The following ATF7IP variants were observed in gnomAD, a reference collection of about 807,000 sequenced individuals.
ATF7IP encodes the protein activating transcription factor 7 interacting protein.
ATF7IP carries 23 observed loss-of-function variants against 106.4 expected under a neutral mutation model. That is an observed-to-expected ratio of 0.22 (90% confidence interval 0.16 to 0.31). The LOEUF (loss-of-function observed/expected upper bound fraction) is 0.31. ATF7IP is among the 10% of genes least tolerant of loss of function. The pLI is 1.00. For synonymous variants in ATF7IP, 542 were observed against 539.0 expected (o/e 1.01, Z -0.08); for missense variants, 1,334 against 1,524.3 (o/e 0.88, Z 2.08).
At chr12:14,455,759 A>ATT (rs968190635) in intron 6 of ATF7IP, among the ~76,000 whole-genome samples, 1 of 147,114 alleles carries the variant, frequency 6.8e-6, no homozygotes, top group South Asian at 2.2e-4. Context: ...TAATTTTTGT[A>ATT]TTTTTTTTTT....
intron 1 of ATF7IP, among the ~76,000 whole-genome samples, chr12:14,407,989 TA>T (rs1457794003): frequency 2.6e-5 from 4 of 152,130 alleles, no homozygotes; most frequent in African/African-American, 9.7e-5. Flanking sequence ...AAAAAAGTGC[TA>T]GGAAAAATGT....
chr12:14,454,722 G>A (rs1268612825), intron 6 of ATF7IP, among the ~76,000 whole-genome samples: 1 of 152,146 alleles, frequency 6.6e-6, no homozygotes, highest in East Asian at 1.9e-4. Flanking sequence ...GGGAAGCAGA[G>A]GGGACTTCCT....
At chr12:14,434,482 AT>A in intron 3 of ATF7IP, 59 bp downstream of exon 3, 3 of 1,063,824 alleles carry the variant, frequency 2.8e-6, no homozygotes. Context: ...CTGTTTCTAT[AT>A]TTACAACCGT....
chr12:14,376,613 A>C (rs1278277847), intron 1 of ATF7IP, among the ~76,000 whole-genome samples: 1 of 152,208 alleles, frequency 6.6e-6, no homozygotes, highest in Non-Finnish European at 1.5e-5. Flanking sequence ...ATCTGACTTA[A>C]TGAGCTTTCA....
rs775903221 is a variant in ATF7IP, at chr12:14,478,319, C to A, written c.2944C>A (p.Pro982Thr). The A allele has an allele frequency of 1.2e-6, 2 of 1,613,202 alleles. No homozygotes were observed. The highest frequency in any genetic ancestry group is 2.2e-5 in the South Asian group (2 of 91,004). The change falls in exon 12 of 15, where the codon CCC (proline) becomes ACC (threonine). Residue 982 changes from proline (P) to threonine (T), a missense_variant and splice_region_variant. Around this residue, in one of 10 missense-constraint regions of ATF7IP, gnomAD observed 370 missense variants for 401.2 expected, o/e 0.92. Transcript: ENST00000261168. ...DDEESGASQDPKKLNHTPVST... is the reference protein window; with the variant it reads ...DDEESGASQDTKKLNHTPVST... ...AATATTTCACTTTTAACTAACAGACCCCAAAAAACTAAATCACACTCCTGT... is the reference window on the plus strand; with the variant it reads ...AATATTTCACTTTTAACTAACAGACACCAAAAAACTAAATCACACTCCTGT...
At chr12:14,493,115 C>A (rs1023652592) in intron 13 of ATF7IP, among the ~76,000 whole-genome samples, 2 of 150,066 alleles carry the variant, frequency 1.3e-5, no homozygotes, top group East Asian at 1.9e-4. Flanking sequence ...AAGCAAATAA[C>A]CTACTAGAAC....
At chr12:14,434,239 G>A (rs1465223668) in intron 2 of ATF7IP, 98 bp from the exon 3 acceptor site, 4 of 722,362 alleles carry the variant, frequency 5.5e-6, no homozygotes, top group Non-Finnish European at 9.3e-6. Flanking sequence ...TTTCATAAAA[G>A]GTTGGTTTTG....
chr12:14,382,846 T>C lies in ATF7IP; in HGVS notation c.-8+17019T>C, dbSNP rs1455729114. ...GTATAATGATGATATGCATAAAAGATATTGAGAGAGTAATGATACCTGGTT... is the reference window on the plus strand; with the variant it reads ...GTATAATGATGATATGCATAAAAGACATTGAGAGAGTAATGATACCTGGTT... On this transcript the variant is annotated intron_variant, in intron 1 of 14. Coordinates refer to ENST00000261168, the MANE Select transcript of ATF7IP (RefSeq NM_018179.5). 3.3e-5 allele frequency among the ~76,000 whole-genome samples: 5 copies of C among 152,110 alleles called. No homozygotes were observed. The East Asian group carries it at 9.6e-4, about 29-fold the overall frequency.
intron 13 of ATF7IP, among the ~76,000 whole-genome samples, chr12:14,493,275 T>C (rs776227887): frequency 6.6e-6 from 1 of 152,198 alleles, no homozygotes; most frequent in African/African-American, 2.4e-5. Context: ...CAGATTTCTG[T>C]ATATTTGAAT....
intron 9 of ATF7IP, among the ~76,000 whole-genome samples, chr12:14,463,184 T>C (rs1943706239): frequency 6.6e-6 from 1 of 152,154 alleles, no homozygotes; most frequent in Non-Finnish European, 1.5e-5. Flanking sequence ...TTAATTAGGT[T>C]ATATAATTAA....
At chr12:14,378,263 A>G (rs924561451) in intron 1 of ATF7IP, among the ~76,000 whole-genome samples, 1 of 151,502 alleles carries the variant, frequency 6.6e-6, no homozygotes, top group African/African-American at 2.4e-5. Flanking sequence ...ACGCCCAGCT[A>G]ATTTTTGTAT....
At chr12:14,414,557 T>G (rs557193135) in intron 1 of ATF7IP, among the ~76,000 whole-genome samples, 2 of 152,336 alleles carry the variant, frequency 1.3e-5, no homozygotes, top group Non-Finnish European at 2.9e-5. Context: ...GCCAAAAGTT[T>G]GGACACCCTA....
chr12:14,409,875 A>C (rs1318831180), intron 1 of ATF7IP, among the ~76,000 whole-genome samples: 1 of 152,170 alleles, frequency 6.6e-6, no homozygotes, highest in Non-Finnish European at 1.5e-5. Flanking sequence ...AAAATAAATG[A>C]AAAACACTCA....
intron 5 of ATF7IP, among the ~76,000 whole-genome samples, 153 bp from the exon 6 acceptor site, chr12:14,446,835 A>G (rs192539043): frequency 1.3e-5 from 2 of 151,942 alleles, no homozygotes; most frequent in African/African-American, 4.8e-5. Context: ...CCAAGTATAT[A>G]GTTTATAATC....
intron 1 of ATF7IP, chr12:14,385,424 C>G: frequency 6.5e-7 from 1 of 1,527,952 alleles, no homozygotes; most frequent in South Asian, 1.2e-5. Flanking sequence ...ACTCTTTTAT[C>G]TTAAACATTC....
At chr12:14,459,315 A>G (rs1591910133) in intron 8 of ATF7IP, among the ~76,000 whole-genome samples, 1 of 151,102 alleles carries the variant, frequency 6.6e-6, no homozygotes. Flanking sequence ...TTTGGCACGC[A>G]GTAGTTGTCT....
chr12:14,366,087 G>A (rs370249569), intron 1 of ATF7IP, among the ~76,000 whole-genome samples: 3 of 152,298 alleles, frequency 2.0e-5, no homozygotes, highest in East Asian at 3.9e-4. Flanking sequence ...ACGCCATTTG[G>A]GTTCTAGATT....
rs1945199270 is a variant in ATF7IP, at chr12:14,502,919, C to T, written c.*4846C>T. ...AAATTTATACTTTGAAATAAAACTA[C>T]TGGGTTTTTAACATTCTGAGTACTC... On this transcript the variant is annotated 3_prime_UTR_variant, in exon 15 of 15. Transcript: ENST00000261168. 1 of 152,156 alleles carries T rather than the reference C, an allele frequency of 6.6e-6. No homozygotes were observed. Among genetic ancestry groups the T allele is most frequent in the Admixed American group, 6.5e-5 (1 of 15,268 alleles). The allele number at this position is 152,156 out of a possible 1,614,324, so 9.4% of individuals were successfully genotyped here. A position where few individuals can be genotyped will look rare whatever the true frequency, so the allele number is the denominator to read the frequency against.
chr12:14,392,295 A>T (rs542648165), intron 1 of ATF7IP, among the ~76,000 whole-genome samples: 1 of 151,614 alleles, frequency 6.6e-6, no homozygotes, highest in Non-Finnish European at 1.5e-5. Context: ...AATCTGGTCT[A>T]CTGGGTAGTT....
Sources: allele counts gnomAD v4.1 joint callset (sites outside exome capture counted in the v4.1 genomes callset), GRCh38; gene constraint gnomAD v4.1.1; regional missense constraint gnomAD v4.1.1; transcripts MANE v1.5; gene names NCBI Gene and HGNC (gene_info 2026-07-23, HGNC 2026-07-21).